DGKH: variants seen among roughly 807,000 people sequenced by gnomAD.
The protein encoded by DGKH is diacylglycerol kinase eta.
In DGKH, 90 loss-of-function variants were observed where a neutral mutation model predicts 159.3. The observed-to-expected ratio is 0.57, with a 90% CI of 0.48 to 0.67. The LOEUF (loss-of-function observed/expected upper bound fraction) is 0.67, where lower values mean the gene tolerates loss of function less well. Ranked by LOEUF, DGKH falls within the 30% of genes least tolerant of loss-of-function variation. DGKH has a pLI of 0.00. For missense variants in DGKH, 1,181 were observed against 1,506.1 expected (o/e 0.78, Z 3.57); for synonymous variants, 536 against 553.8 (o/e 0.97, Z 0.45).
chr13:42,159,579 A>T (rs1216494228), intron 6 of DGKH, among the ~76,000 whole-genome samples: 2 of 152,146 alleles, frequency 1.3e-5, no homozygotes, highest in African/African-American at 4.8e-5. Flanking sequence ...AATAGGGCTT[A>T]GAAGTGGCCG....
chr13:42,209,888 A>G (rs992565289), intron 23 of DGKH, among the ~76,000 whole-genome samples: 1 of 152,098 alleles, frequency 6.6e-6, no homozygotes, highest in Admixed American at 6.6e-5. Flanking sequence ...AATCACTTGT[A>G]TCCACCACTG....
chr13:42,252,659 C>G (rs943517674), intron 30 of DGKH, among the ~76,000 whole-genome samples: 2 of 152,194 alleles, frequency 1.3e-5, no homozygotes, highest in Non-Finnish European at 2.9e-5. Context: ...GACACTAAAC[C>G]TGCAATTGCA....
intron 20 of DGKH, among the ~76,000 whole-genome samples, chr13:42,201,326 A>G (rs181844299): frequency 3.9e-5 from 6 of 152,152 alleles, no homozygotes; most frequent in East Asian, 1.9e-4. Context: ...AGTTGTTTTT[A>G]TCTTTGTTAT....
At chr13:42,217,055 TA>T (rs1201484069) in intron 26 of DGKH, among the ~76,000 whole-genome samples, 1 of 152,240 alleles carries the variant, frequency 6.6e-6, no homozygotes, top group African/African-American at 2.4e-5. Context: ...AATTTTGGTT[TA>T]AAATGTGTAC....
chr13:42,106,609 G>A (rs1002431703), intron 1 of DGKH, among the ~76,000 whole-genome samples: 3 of 152,196 alleles, frequency 2.0e-5, no homozygotes, highest in Admixed American at 1.3e-4. Flanking sequence ...AAGTAATTTG[G>A]ATGCTGGAAT....
In DGKH at chr13:42,082,975, G is replaced by T. The variant is rs932934302; in HGVS notation, c.192+34010G>T. Among the ~76,000 whole-genome samples, 2 of 152,128 alleles carry T rather than the reference G, an allele frequency of 1.3e-5. 1 individual carries two copies. Among genetic ancestry groups the T allele is most frequent in the South Asian group, 4.1e-4 (2 of 4,830 alleles). ...TTCGGGATAATGGAAAGCTAATAAG[G>T]TTTATGCTAGAGGCTCTTACTGCTG... On this transcript the variant is annotated intron_variant, in intron 1 of 29. Transcript: ENST00000337343.
intron 12 of DGKH, 49 bp from the exon 13 acceptor site, chr13:42,178,086 G>C: frequency 7.0e-7 from 1 of 1,436,192 alleles, no homozygotes; most frequent in Non-Finnish European, 9.6e-7. Flanking sequence ...TAAGTGAGTT[G>C]TATAAATGCC....
chr13:42,181,515 C>T (rs540148237), intron 13 of DGKH: 20 of 206,312 alleles, frequency 9.7e-5, no homozygotes, highest in African/African-American at 1.4e-4. Flanking sequence ...CCTTGGAACC[C>T]TCACTGAGCT....
chr13:42,098,654 G>T (rs1006728420), intron 1 of DGKH, among the ~76,000 whole-genome samples: 4 of 152,078 alleles, frequency 2.6e-5, no homozygotes, highest in Middle Eastern at 3.4e-3. Flanking sequence ...TGTCATGCTG[G>T]TCTCTTTGTG....
At chr13:42,112,355 C>T (rs893062212) in intron 1 of DGKH, among the ~76,000 whole-genome samples, 3 of 142,404 alleles carry the variant, frequency 2.1e-5, no homozygotes, top group Middle Eastern at 8.3e-3. Flanking sequence ...AATCATAGCT[C>T]ACTGCAGCCT....
At chr13:42,158,343 T>G (rs1469278161) in intron 5 of DGKH, among the ~76,000 whole-genome samples, 1 of 152,242 alleles carries the variant, frequency 6.6e-6, no homozygotes, top group Non-Finnish European at 1.5e-5. Context: ...TCCACTGAAA[T>G]GCTCTCTACT....
chr13:42,086,711 C>CATG (rs1272646805), intron 1 of DGKH, among the ~76,000 whole-genome samples: 1 of 152,180 alleles, frequency 6.6e-6, no homozygotes, highest in Non-Finnish European at 1.5e-5. Flanking sequence ...ACAGGCAGGA[C>CATG]ATGACAGTGA....
intron 1 of DGKH, among the ~76,000 whole-genome samples, chr13:42,050,349 C>T (rs1266283120): frequency 1.3e-5 from 2 of 151,444 alleles, no homozygotes; most frequent in South Asian, 2.1e-4. Context: ...CCAGCCTGAG[C>T]GACAAAAAAA....
chr13:42,231,201 A>G lies in DGKH; in HGVS notation c.*2013A>G, dbSNP rs1375806347. ...AAACCCCATCTCTACTAAAAATACA[A>G]AAATTAGCCGGGTGTGGTGGCACGC... On this transcript the variant is annotated 3_prime_UTR_variant, in exon 30 of 30. Transcript: ENST00000337343. 6.6e-6 allele frequency: 1 copy of G among 152,186 alleles called. No homozygotes were observed. Among genetic ancestry groups the G allele is most frequent in the African/African-American group, 2.4e-5 (1 of 41,398 alleles). 9.4% of individuals were successfully genotyped at this position (152,186 alleles called of 1,614,324 possible). A position where few individuals can be genotyped will look rare whatever the true frequency, so the allele number is the denominator to read the frequency against.
chr13:42,219,864 G>A lies in DGKH; in HGVS notation c.3442+70G>A, dbSNP rs937435330. Reference sequence around the variant, plus strand: ...GAGCTGATTAAAGTGACATCATGGAGGTCGTGAAAATGTTCTGGAGCTAGA... The same window carrying A: ...GAGCTGATTAAAGTGACATCATGGAAGTCGTGAAAATGTTCTGGAGCTAGA... On this transcript the variant is annotated intron_variant, in intron 28 of 29. Coordinates refer to ENST00000337343, the MANE Select transcript of DGKH (RefSeq NM_178009.5). The A allele has an allele frequency of 2.0e-5, 28 of 1,423,076 alleles. No homozygotes were observed. The African/African-American group carries it at 3.6e-4, about 18-fold the overall frequency. The allele number at this position is 1,423,076 out of a possible 1,614,324, so 88.2% of individuals were successfully genotyped here.
At chr13:42,111,494 C>T (rs951501786) in intron 1 of DGKH, among the ~76,000 whole-genome samples, 1 of 152,082 alleles carries the variant, frequency 6.6e-6, no homozygotes, top group Non-Finnish European at 1.5e-5. Flanking sequence ...GTGCGAGAAT[C>T]GCTTGAACCT....
At chr13:42,067,130 T>A (rs1223834739) in intron 1 of DGKH, among the ~76,000 whole-genome samples, 1 of 152,160 alleles carries the variant, frequency 6.6e-6, no homozygotes, top group Non-Finnish European at 1.5e-5. Context: ...AAACCTAGTA[T>A]TTCCCATAGG....
intron 1 of DGKH, 74 bp downstream of exon 1, chr13:42,049,039 C>A: frequency 9.4e-7 from 1 of 1,068,918 alleles, no homozygotes; most frequent in Non-Finnish European, 1.1e-6. Flanking sequence ...CGCTGGAACG[C>A]GCCGGGCGAT....
intron 1 of DGKH, among the ~76,000 whole-genome samples, chr13:42,107,599 C>T (rs1283942142): frequency 2.0e-5 from 3 of 152,138 alleles, no homozygotes; most frequent in East Asian, 1.9e-4. Context: ...TAAGGAAATA[C>T]ATCTGTTTTT....
Sources: allele counts gnomAD v4.1 joint callset (sites outside exome capture counted in the v4.1 genomes callset), GRCh38; gene constraint gnomAD v4.1.1; transcripts MANE v1.5; gene names NCBI Gene and HGNC (gene_info 2026-07-23, HGNC 2026-07-21).